RAPGEF2: variants seen among roughly 807,000 people sequenced by gnomAD.
The protein encoded by RAPGEF2 is PDZ domain containing guanine nucleotide exchange factor (GEF) 1.
A neutral mutation model predicts 186.7 loss-of-function variants in RAPGEF2; 54 were observed. The ratio of observed to expected loss-of-function variants is 0.29; its 90% CI spans 0.23 to 0.36. The LOEUF is 0.36. Ranked by LOEUF, RAPGEF2 falls within the 10% of genes least tolerant of loss-of-function variation. RAPGEF2 has a pLI of 1.00. For missense variants in RAPGEF2, 1,532 were observed against 2,045.0 expected (o/e 0.75, Z 4.84); for synonymous variants, 712 against 705.9 (o/e 1.01, Z -0.14).
intron 25 of RAPGEF2, among the ~76,000 whole-genome samples, 174 bp from the exon 26 acceptor site, chr4:159,349,963 T>G (rs1447167866): frequency 1.3e-5 from 2 of 152,230 alleles, no homozygotes; most frequent in Non-Finnish European, 1.5e-5. Flanking sequence ...TCATGACTTC[T>G]GTAGGCACTT....
chr4:159,210,510 A>G lies in RAPGEF2; in HGVS notation c.208A>G (p.Ile70Val), dbSNP rs927258939. The G allele has an allele frequency of 1.1e-5, 17 of 1,533,142 alleles. No homozygotes were observed. Among genetic ancestry groups the G allele is most frequent in the Admixed American group, 2.0e-5 (1 of 50,952 alleles). The allele number at this position is 1,533,142 out of a possible 1,614,324, so 95.0% of individuals were successfully genotyped here. ...ANEVLYYPDDIGTCWYILLSG... is the reference protein window; with the variant it reads ...ANEVLYYPDDVGTCWYILLSG... Reference sequence around the variant, plus strand: ...ACCTTTTCTTTTCAGCCCTGATGATATTGGGACCTGCTGGTATATCCTTCT... The same window carrying G: ...ACCTTTTCTTTTCAGCCCTGATGATGTTGGGACCTGCTGGTATATCCTTCT... Residue 70 changes from isoleucine (I) to valine (V), a missense_variant, in exon 4 of 30, where the codon ATT (isoleucine) becomes GTT (valine). By Grantham distance (29) the Ile-to-Val change is conservative. This residue lies in a region of RAPGEF2 where 810 missense variants were observed against 1,210.5 expected (regional missense o/e 0.67). Coordinates refer to ENST00000691494, the MANE Select transcript of RAPGEF2 (RefSeq NM_001394067.2).
At chr4:159,337,721 C>G (rs1767625046) in intron 17 of RAPGEF2, among the ~76,000 whole-genome samples, 1 of 149,952 alleles carries the variant, frequency 6.7e-6, no homozygotes, top group South Asian at 2.1e-4. Flanking sequence ...AACCCCATCT[C>G]TACTCAAAAT....
chr4:159,358,440 A>G lies in RAPGEF2; in HGVS notation c.*301A>G, dbSNP rs573351772. ...TCACACAGTATCATTCCAAATTCCA[A>G]GATCATCACAACAAGATGATTCACT... is the stretch of plus-strand genomic sequence containing the variant. On this transcript the variant is annotated 3_prime_UTR_variant, in exon 30 of 30. Coordinates refer to ENST00000691494, the MANE Select transcript of RAPGEF2 (RefSeq NM_001394067.2). 1.1e-5 allele frequency: 4 copies of G among 357,670 alleles called. No homozygotes were observed. The highest frequency in any genetic ancestry group is 1.2e-4 in the South Asian group (1 of 8,322). 22.2% of individuals were successfully genotyped at this position (357,670 alleles called of 1,614,324 possible).
At position 159,205,261 on chromosome 4, in the gene RAPGEF2, T is replaced by C. The variant is rs1749847855; in HGVS notation, c.198-5239T>C. ...AATGATCAGAAACTGGGGAATTGGG[T>C]GGGATAGATGCATTTTAAATTAACA... On this transcript the variant is annotated intron_variant, in intron 3 of 29. Coordinates refer to ENST00000691494, the MANE Select transcript of RAPGEF2 (RefSeq NM_001394067.2). Among the ~76,000 whole-genome samples the C allele has an allele frequency of 2.0e-5, 3 of 152,168 alleles. No homozygotes were observed. The South Asian group carries it at 6.2e-4, about 32-fold the overall frequency.
intron 1 of RAPGEF2, among the ~76,000 whole-genome samples, chr4:159,173,413 G>C (rs1333557121): frequency 2.0e-5 from 3 of 152,140 alleles, no homozygotes; most frequent in Non-Finnish European, 4.4e-5. Context: ...TCTGGAATTA[G>C]GTTGGTATTA....
chr4:159,279,724 G>T (rs1223165120), intron 7 of RAPGEF2, among the ~76,000 whole-genome samples: 1 of 151,638 alleles, frequency 6.6e-6, no homozygotes, highest in Non-Finnish European at 1.5e-5. Context: ...TCTCACCCAG[G>T]CTGGAGTGCA....
At chr4:159,108,974 C>G (rs1738201466) in intron 1 of RAPGEF2, among the ~76,000 whole-genome samples, 1 of 152,084 alleles carries the variant, frequency 6.6e-6, no homozygotes, top group Non-Finnish European at 1.5e-5. Flanking sequence ...CTGCTTCAGC[C>G]TCCCAAAGTG....
intron 7 of RAPGEF2, among the ~76,000 whole-genome samples, chr4:159,292,273 C>A (rs964949426): frequency 1.3e-5 from 2 of 152,130 alleles, no homozygotes; most frequent in Non-Finnish European, 2.9e-5. Context: ...CCTAGCTATT[C>A]CTAAAACATG....
chr4:159,265,844 GA>G (rs1261194385), intron 7 of RAPGEF2, among the ~76,000 whole-genome samples: 1 of 152,156 alleles, frequency 6.6e-6, no homozygotes. Flanking sequence ...CTAAATTTGA[GA>G]AAAATTAGAG....
At chr4:159,192,107 T>TG (rs1473420729) in intron 2 of RAPGEF2, among the ~76,000 whole-genome samples, 1 of 152,228 alleles carries the variant, frequency 6.6e-6, no homozygotes, top group Non-Finnish European at 1.5e-5. Flanking sequence ...TTAGACTTAA[T>TG]GCTTTTGGCT....
intron 3 of RAPGEF2, among the ~76,000 whole-genome samples, chr4:159,199,922 A>G (rs1006626678): frequency 2.0e-5 from 3 of 152,218 alleles, no homozygotes; most frequent in African/African-American, 4.8e-5. Flanking sequence ...AATTAATTTC[A>G]TAACCCATTA....
At chr4:159,114,793 C>A (rs1738867183) in intron 1 of RAPGEF2, among the ~76,000 whole-genome samples, 1 of 151,930 alleles carries the variant, frequency 6.6e-6, no homozygotes, top group African/African-American at 2.4e-5. Flanking sequence ...TTTTTTCTTT[C>A]CTGTGACCTT....
At chr4:159,145,482 C>CAAAACATTGCCA (rs1272934440) in intron 1 of RAPGEF2, among the ~76,000 whole-genome samples, 4,353 of 151,736 alleles carry the variant, frequency 0.029, 98 homozygotes, top group Admixed American at 0.05. Flanking sequence ...AAAACATTGC[C>CAAAACATTGCCA]AAAACATTGC....
intron 4 of RAPGEF2, among the ~76,000 whole-genome samples, chr4:159,230,761 T>C (rs898382028): frequency 1.3e-5 from 2 of 152,176 alleles, no homozygotes; most frequent in Non-Finnish European, 2.9e-5. Context: ...GCCTGGTCAT[T>C]GAGAATTCAC....
chr4:159,206,403 C>G (rs1188880576), intron 3 of RAPGEF2, among the ~76,000 whole-genome samples: 3 of 152,152 alleles, frequency 2.0e-5, no homozygotes, highest in Admixed American at 6.5e-5. Flanking sequence ...ACCGTCTGTA[C>G]TATTATTATT....
intron 1 of RAPGEF2, among the ~76,000 whole-genome samples, chr4:159,148,638 A>G (rs1479627379): frequency 6.6e-6 from 1 of 151,868 alleles, no homozygotes; most frequent in Non-Finnish European, 1.5e-5. Context: ...GTTTTTTTTC[A>G]TGGCTTTCTT....
chr4:159,121,653 G>A (rs1294961162), intron 1 of RAPGEF2, among the ~76,000 whole-genome samples: 1 of 151,784 alleles, frequency 6.6e-6, no homozygotes, highest in Non-Finnish European at 1.5e-5. Flanking sequence ...ATAAATGTTG[G>A]GATTTCAATA....
At position 159,358,536 on chromosome 4, in the gene RAPGEF2, A is replaced by G; in HGVS notation, c.*397A>G. ...TTTTAGATTTCAATCCAGTCCTAGC[A>G]CTTGATCTCATTGGGATAATGAGAA... On this transcript the variant is annotated 3_prime_UTR_variant, in exon 30 of 30. Transcript: ENST00000691494. 5.4e-6 allele frequency: 1 copy of G among 183,838 alleles called. No homozygotes were observed. Among genetic ancestry groups the G allele is most frequent in the African/African-American group, 2.3e-5 (1 of 42,866 alleles). 11.4% of individuals were successfully genotyped at this position (183,838 alleles called of 1,614,324 possible).
intron 1 of RAPGEF2, among the ~76,000 whole-genome samples, chr4:159,115,610 A>G (rs1181349200): frequency 3.9e-5 from 6 of 152,112 alleles, no homozygotes; most frequent in Non-Finnish European, 8.8e-5. Flanking sequence ...ATTTCCTTTT[A>G]AACACAGTCA....
Sources: allele counts gnomAD v4.1 joint callset (sites outside exome capture counted in the v4.1 genomes callset), GRCh38; gene constraint gnomAD v4.1.1; regional missense constraint gnomAD v4.1.1; transcripts MANE v1.5; gene names NCBI Gene and HGNC (gene_info 2026-07-23, HGNC 2026-07-21).